Variants in SUPT6H observed in about 807,000 individuals in gnomAD.
The protein encoded by SUPT6H is SPT6 homolog, histone chaperone and transcription elongation factor.
A neutral mutation model predicts 222.3 loss-of-function variants in SUPT6H; 11 were observed. The observed-to-expected ratio is 0.05, with a 90% CI of 0.03 to 0.08. The LOEUF (loss-of-function observed/expected upper bound fraction) is 0.08, where lower values mean the gene tolerates loss of function less well. SUPT6H is among the 10% of genes least tolerant of loss of function. SUPT6H has a pLI of 1.00. For missense variants in SUPT6H, 1,422 were observed against 2,216.0 expected (o/e 0.64, Z 7.19); for synonymous variants, 762 against 801.2 (o/e 0.95, Z 0.83).
In SUPT6H at chr17:28,678,170, T is replaced by G. The variant is rs1033866744; in HGVS notation, c.1094T>G (p.Phe365Cys). ...CAGAAGATCAAAGAGGCCCTGGGCTTCATGCGAAATCAGCATTTTGAGGTA... is the reference window on the plus strand; with the variant it reads ...CAGAAGATCAAAGAGGCCCTGGGCTGCATGCGAAATCAGCATTTTGAGGTA... ...TIQKIKEALG[F>C]MRNQHFEVPF... Residue 365 changes from phenylalanine to cysteine, a missense_variant, in exon 9 of 37, where the codon TTC (phenylalanine) becomes TGC (cysteine). Around this residue, in one of 13 missense-constraint regions of SUPT6H, gnomAD observed 389 missense variants for 544.6 expected, o/e 0.71. Coordinates refer to ENST00000314616, the MANE Select transcript of SUPT6H (RefSeq NM_003170.5). The G allele has an allele frequency of 6.2e-7, 1 of 1,607,372 alleles. No individual in the cohort carries two copies. Among genetic ancestry groups the G allele is most frequent in the African/African-American group, 1.3e-5 (1 of 74,496 alleles).
chr17:28,682,375 C>T (rs934677500), intron 13 of SUPT6H, among the ~76,000 whole-genome samples: 1 of 152,124 alleles, frequency 6.6e-6, no homozygotes, highest in Non-Finnish European at 1.5e-5. Context: ...CATGTAATCC[C>T]AGCACTTCGG....
intron 32 of SUPT6H, among the ~76,000 whole-genome samples, chr17:28,699,229 G>A (rs1366299959): frequency 1.3e-5 from 2 of 152,164 alleles, no homozygotes; most frequent in Non-Finnish European, 2.9e-5. Flanking sequence ...GTCCTCACTG[G>A]ACAAATGAAG....
rs1243832325 is a variant in SUPT6H at position 28,674,451 on chromosome 17, C to G, written c.268+10C>G. ...AAGAAGAGAAAACGCAGTGAGTAGT[C>G]TGTCGTTGGCTCAAGTGAGGCTTGG... On this transcript the variant is annotated intron_variant, in intron 3 of 36. Transcript: ENST00000314616. 2 of 1,614,102 alleles carry G rather than the reference C, an allele frequency of 1.2e-6. No homozygotes were observed. Among genetic ancestry groups the G allele is most frequent in the Admixed American group, 3.3e-5 (2 of 60,012 alleles).
In SUPT6H at chr17:28,676,393, A is replaced by G. The variant is rs141813525; in HGVS notation, c.860A>G (p.Asn287Ser). The G allele has an allele frequency of 3.1e-6, 5 of 1,614,040 alleles. No individual in the cohort carries two copies. The South Asian group carries it at 3.3e-5, about 11-fold the overall frequency. Residue 287 changes from asparagine (N) to serine (S), a missense_variant, in exon 7 of 37, where the codon AAT becomes AGT. By Grantham distance (46) the Asn-to-Ser change is conservative. This residue lies in a region of SUPT6H where 389 missense variants were observed against 544.6 expected (regional missense o/e 0.71). Transcript: ENST00000314616. ...LESSHLTDQD[N>S]EIRATDLPER... ...AGCAGCCACCTCACAGATCAGGACA[A>G]TGAAATCCGAGCCACTGACCTGCCT...
In SUPT6H at chr17:28,697,715, C is replaced by T. The variant is rs1445233446; in HGVS notation, c.4305C>T (p.Cys1435=). Residue 1435 remains cysteine, a synonymous_variant, in exon 31 of 37, where the codon TGC becomes TGT. Coordinates refer to ENST00000314616, the MANE Select transcript of SUPT6H (RefSeq NM_003170.5). The stretch of plus-strand genomic sequence containing the variant: ...TGAATCACAAGTATTATCAGGACTG[C>T]AGCGGTGGGGACCGCAAGGTAAGCC... ...DLLNHKYYQD[C]SGGDRKKLEE... 2.5e-6 allele frequency: 4 copies of T among 1,614,100 alleles called. No homozygotes were observed. Among genetic ancestry groups the T allele is most frequent in the Non-Finnish European group, 3.4e-6 (4 of 1,180,028 alleles).
chr17:28,696,741 C>T, intron 29 of SUPT6H, 103 bp from the exon 30 acceptor site: 1 of 1,093,624 alleles, frequency 9.1e-7, no homozygotes, highest in South Asian at 1.4e-5. Flanking sequence ...TGACAGAGCA[C>T]CCCAACTCAA....
At chr17:28,671,958 T>C (rs2151611140) in intron 1 of SUPT6H, among the ~76,000 whole-genome samples, 1 of 152,322 alleles carries the variant, frequency 6.6e-6, no homozygotes, top group Admixed American at 6.5e-5. Context: ...CCAGCAGTCT[T>C]TCCATTTAAC....
chr17:28,693,268 C>A (rs959788428), intron 27 of SUPT6H, among the ~76,000 whole-genome samples: 1 of 152,064 alleles, frequency 6.6e-6, no homozygotes, highest in East Asian at 1.9e-4. Flanking sequence ...TGAGACCAGC[C>A]TGGCCAACAT....
intron 26 of SUPT6H, 106 bp downstream of exon 26, chr17:28,690,335 TG>T (rs895949621): frequency 5.0e-6 from 7 of 1,401,470 alleles, no homozygotes; most frequent in Admixed American, 4.4e-5. Context: ...GTGTTGTACA[TG>T]GGGAAGGCCA....
chr17:28,684,968 G>C lies in SUPT6H; in HGVS notation c.2487+7G>C, dbSNP rs1240695775. 6.2e-7 allele frequency: 1 copy of C among 1,611,782 alleles called. No individual in the cohort carries two copies. The highest frequency in any genetic ancestry group is 1.1e-5 in the South Asian group (1 of 90,772). Reference sequence around the variant, plus strand: ...GGAAGAGCGGGAAAAGAAGGCAAGTGGCTAGGACGAGGATACTAAGTGTAC... The same window carrying C: ...GGAAGAGCGGGAAAAGAAGGCAAGTCGCTAGGACGAGGATACTAAGTGTAC... On this transcript the variant is annotated splice_region_variant and intron_variant, in intron 19 of 36. Transcript: ENST00000314616.
At chr17:28,666,217 A>C (rs188453389) in intron 1 of SUPT6H, among the ~76,000 whole-genome samples, 1 of 152,340 alleles carries the variant, frequency 6.6e-6, no homozygotes, top group East Asian at 1.9e-4. Flanking sequence ...AGGTTGTCTT[A>C]TTACAGGATC....
chr17:28,687,024 G>T, intron 21 of SUPT6H, 64 bp from the exon 22 acceptor site: 3 of 1,586,036 alleles, frequency 1.9e-6, no homozygotes, highest in Non-Finnish European at 2.6e-6. Flanking sequence ...GAATGGTTTG[G>T]ATTTCCTCTT....
chr17:28,689,941 A>C, intron 25 of SUPT6H, 141 bp from the exon 26 acceptor site: 1 of 1,134,686 alleles, frequency 8.8e-7, no homozygotes, highest in Non-Finnish European at 1.3e-6. Flanking sequence ...AACCACCTTT[A>C]GTAAATGTTG....
chr17:28,666,925 T>G (rs2030059695), intron 1 of SUPT6H, among the ~76,000 whole-genome samples: 1 of 152,170 alleles, frequency 6.6e-6, no homozygotes, highest in African/African-American at 2.4e-5. Context: ...CTTCATGTAA[T>G]TAGGTTTTCA....
chr17:28,675,607 G>A (rs890175647), intron 6 of SUPT6H, 122 bp downstream of exon 6: 3 of 976,806 alleles, frequency 3.1e-6, no homozygotes, highest in Admixed American at 4.1e-5. Flanking sequence ...TTGCTTCCCT[G>A]CCTCAAATAA....
At chr17:28,701,250 C>A in intron 36 of SUPT6H, 122 bp downstream of exon 36, 2 of 1,424,364 alleles carry the variant, frequency 1.4e-6, no homozygotes, top group Non-Finnish European at 1.9e-6. Context: ...ACATGATATG[C>A]CAGGAACACT....
rs370622238 is a variant in SUPT6H at position 28,686,686 on chromosome 17, G to T, written c.2597G>T (p.Arg866Leu). ...DAQMLIEDVK[R>L]IVHELDQGQQ... Reference sequence around the variant, plus strand: ...CAGATGTTGATTGAAGATGTGAAGCGCATTGTACATGAGCTGGACCAGGGC... The same window carrying T: ...CAGATGTTGATTGAAGATGTGAAGCTCATTGTACATGAGCTGGACCAGGGC... Residue 866 changes from arginine to leucine, a missense_variant, in exon 21 of 37, where the codon CGC (arginine) becomes CTC (leucine). Coordinates refer to ENST00000314616, the MANE Select transcript of SUPT6H (RefSeq NM_003170.5). 1 of 1,605,842 alleles carries T rather than the reference G, an allele frequency of 6.2e-7. No individual in the cohort carries two copies. Among genetic ancestry groups the T allele is most frequent in the Non-Finnish European group, 8.5e-7 (1 of 1,177,324 alleles).
Position 28,683,836 on chromosome 17 carries a change from ATTTTT to A in SUPT6H, c.2229+32_2229+36del. 11 of 1,415,572 alleles carry A rather than the reference ATTTTT, an allele frequency of 7.8e-6. No individual in the cohort carries two copies. The highest frequency in any genetic ancestry group is 2.5e-5 in the East Asian group (1 of 40,110). 87.7% of individuals were successfully genotyped at this position (1,415,572 alleles called of 1,614,324 possible). A position where few individuals can be genotyped will look rare whatever the true frequency, so the allele number is the denominator to read the frequency against. ...ATAAAGGTGAGGACAGAGACTCATG[ATTTTT>A]TTTTTTTTTTTGGTGACAGAGTCTT... is the stretch of plus-strand genomic sequence containing the variant. On this transcript the variant is annotated intron_variant, in intron 17 of 36. Transcript: ENST00000314616.
chr17:28,687,565 C>T, intron 23 of SUPT6H, 94 bp downstream of exon 23: 1 of 1,379,826 alleles, frequency 7.2e-7, no homozygotes. Context: ...ATTGGGAGGA[C>T]CAAGGTCAGT....
Sources: gnomAD v4.1 joint callset for allele counts (sites outside exome capture counted in the v4.1 genomes callset) on GRCh38, gnomAD v4.1.1 for gene constraint, gnomAD v4.1.1 regional missense constraint, MANE v1.5 for transcripts, NCBI Gene and HGNC (gene_info 2026-07-23, HGNC 2026-07-21) for gene names.